HLCS: variants seen among roughly 807,000 people sequenced by gnomAD.
HLCS encodes the protein holocarboxylase synthetase.
In HLCS, 53 loss-of-function variants were observed where a neutral mutation model predicts 75.0. The ratio of observed to expected loss-of-function variants is 0.71; its 90% CI spans 0.57 to 0.89. HLCS has a LOEUF of 0.89. Among genes scored for constraint, HLCS ranks in the 40% least tolerant of loss-of-function variants. HLCS has a pLI of 0.00. For missense variants in HLCS, 966 were observed against 1,074.0 expected (o/e 0.90, Z 1.41); for synonymous variants, 431 against 428.6 (o/e 1.01, Z -0.07).
At chr21:36,946,490 C>A (rs960358129) in intron 2 of HLCS, among the ~76,000 whole-genome samples, 1 of 152,126 alleles carries the variant, frequency 6.6e-6, no homozygotes, top group Non-Finnish European at 1.5e-5. Flanking sequence ...GACCCTCCTG[C>A]CTCAACCTCC....
upstream of HLCS, among the ~76,000 whole-genome samples, chr21:36,968,322 AT>A (rs2068692787): frequency 6.6e-6 from 1 of 152,152 alleles, no homozygotes; most frequent in Admixed American, 6.6e-5. Flanking sequence ...TACCTTGGCC[AT>A]TTGTTCATCT....
intron 6 of HLCS, among the ~76,000 whole-genome samples, chr21:36,845,087 A>G (rs975088873): frequency 6.6e-6 from 1 of 151,938 alleles, no homozygotes; most frequent in Middle Eastern, 3.2e-3. Context: ...TTTTTTTTAA[A>G]CCCAGGAAAT....
chr21:36,942,398 CAAAAAAAAAAAAAAA>C (rs55999516), intron 2 of HLCS, among the ~76,000 whole-genome samples: 1 of 80,972 alleles, frequency 1.2e-5, no homozygotes, highest in Non-Finnish European at 2.4e-5. Context: ...GACTCCGTCT[CAAAAAAAAAAAAAAA>C]AAAAAAAAAA....
chr21:36,952,789 C>CA (rs35700333), intron 2 of HLCS, among the ~76,000 whole-genome samples: 2,197 of 45,912 alleles, frequency 0.048, 71 homozygotes, highest in African/African-American at 0.096. Flanking sequence ...GACTCCGTCT[C>CA]AAAAAAAAAA....
intron 6 of HLCS, among the ~76,000 whole-genome samples, chr21:36,892,247 C>T (rs1019760718): frequency 5.9e-5 from 9 of 152,232 alleles, no homozygotes; most frequent in African/African-American, 2.2e-4. Flanking sequence ...TCTCCAGCAT[C>T]CATCTCCGAT....
intron 6 of HLCS, among the ~76,000 whole-genome samples, chr21:36,815,853 T>C (rs982097415): frequency 3.3e-5 from 5 of 152,294 alleles, no homozygotes; most frequent in African/African-American, 1.2e-4. Context: ...CTGGATACCT[T>C]TGACTCAAGA....
chr21:36,930,838 C>T (rs1004289646), intron 4 of HLCS, among the ~76,000 whole-genome samples: 5 of 152,152 alleles, frequency 3.3e-5, no homozygotes, highest in Admixed American at 1.3e-4. Flanking sequence ...AACAAAAGAA[C>T]GATTCCAAAG....
chr21:36,764,328 C>T (rs541230749), intron 8 of HLCS, among the ~76,000 whole-genome samples: 6 of 152,224 alleles, frequency 3.9e-5, no homozygotes, highest in East Asian at 1.9e-4. Flanking sequence ...ACCCTGGAGG[C>T]GGAGATTGCA....
At chr21:36,784,392 T>C (rs954482266) in intron 6 of HLCS, among the ~76,000 whole-genome samples, 2 of 150,610 alleles carry the variant, frequency 1.3e-5, no homozygotes, top group Non-Finnish European at 2.9e-5. Flanking sequence ...CTCAGCTCAC[T>C]GAACCCTCTA....
intron 6 of HLCS, among the ~76,000 whole-genome samples, chr21:36,892,417 C>G (rs2064826569): frequency 6.6e-6 from 1 of 152,214 alleles, no homozygotes; most frequent in African/African-American, 2.4e-5. Context: ...GTCGTGATTT[C>G]TACTACAGCA....
intron 1 of HLCS, among the ~76,000 whole-genome samples, chr21:36,977,737 T>A (rs1027308389): frequency 1.3e-5 from 2 of 152,150 alleles, no homozygotes; most frequent in Admixed American, 6.5e-5. Flanking sequence ...ATGCACACAT[T>A]CAGTGGCCAT....
intron 4 of HLCS, among the ~76,000 whole-genome samples, chr21:36,930,696 T>G (rs1363525313): frequency 1.3e-5 from 2 of 152,108 alleles, no homozygotes; most frequent in Non-Finnish European, 2.9e-5. Context: ...CACACCCAGA[T>G]AGCTCATAGC....
chr21:36,964,056 C>T (rs1302391191), intron 1 of HLCS, among the ~76,000 whole-genome samples: 1 of 152,108 alleles, frequency 6.6e-6, no homozygotes, highest in Non-Finnish European at 1.5e-5. Context: ...GAAACCCTGT[C>T]TCTACTAAAA....
chr21:36,906,515 G>C (rs1031477342), intron 5 of HLCS, among the ~76,000 whole-genome samples: 1 of 152,202 alleles, frequency 6.6e-6, no homozygotes, highest in Admixed American at 6.5e-5. Context: ...CTAAGCGACA[G>C]AGCGAGACCC....
chr21:36,773,978 C>T (rs181114247), intron 6 of HLCS, among the ~76,000 whole-genome samples: 154 of 152,260 alleles, frequency 1.0e-3, no homozygotes, highest in Non-Finnish European at 2.0e-3. Context: ...TAAAGTCACA[C>T]TTTAACAATA....
At chr21:36,979,169 G>A (rs2069032041) in intron 1 of HLCS, among the ~76,000 whole-genome samples, 1 of 151,924 alleles carries the variant, frequency 6.6e-6, no homozygotes, top group South Asian at 2.1e-4. Flanking sequence ...CTACTGGGGA[G>A]GCTGAGGCAG....
At chr21:36,990,151 GACTT>G (rs1451031843) in intron 1 of HLCS, 2 of 152,426 alleles carry the variant, frequency 1.3e-5, no homozygotes, top group South Asian at 2.0e-4. Context: ...GCAGCGCCCC[GACTT>G]ACTTCTGAGG....
At chr21:36,801,625 TTAA>T (rs1359609490) in intron 6 of HLCS, among the ~76,000 whole-genome samples, 3 of 152,238 alleles carry the variant, frequency 2.0e-5, no homozygotes, top group Non-Finnish European at 2.9e-5. Flanking sequence ...TTTATTATTA[TTAA>T]TGTTTCTAGC....
intron 6 of HLCS, among the ~76,000 whole-genome samples, chr21:36,785,071 AAT>A (rs2060646473): frequency 6.6e-6 from 1 of 152,028 alleles, no homozygotes. Context: ...CCTTCGGGGT[AAT>A]GACAAGGAAG....
Sources: gnomAD v4.1 joint callset for allele counts (sites outside exome capture counted in the v4.1 genomes callset) on GRCh38, gnomAD v4.1.1 for gene constraint, MANE v1.5 for transcripts, NCBI Gene and HGNC (gene_info 2026-07-23, HGNC 2026-07-21) for gene names.